Variants in HS3ST5 observed in about 807,000 individuals in gnomAD.
The protein encoded by HS3ST5 is heparan sulfate glucosamine 3-O-sulfotransferase 5.
In HS3ST5, 10 loss-of-function variants were observed where a neutral mutation model predicts 25.4. The ratio of observed to expected loss-of-function variants is 0.39; its 90% CI spans 0.24 to 0.67. The LOEUF (loss-of-function observed/expected upper bound fraction) is 0.67, where lower values mean the gene tolerates loss of function less well. Among genes scored for constraint, HS3ST5 ranks in the 30% least tolerant of loss-of-function variants. The probability of loss-of-function intolerance (pLI) is 0.44; values close to 1 mark genes in which losing one functional copy is unlikely to be tolerated. For missense variants in HS3ST5, 324 were observed against 420.7 expected (o/e 0.77, Z 2.01); for synonymous variants, 170 against 162.4 (o/e 1.05, Z -0.36).
chr6:114,231,883 C>T (rs561648579), intron 1 of HS3ST5, among the ~76,000 whole-genome samples: 16 of 151,418 alleles, frequency 1.1e-4, no homozygotes, highest in African/African-American at 3.9e-4. Flanking sequence ...ATTAGGTGAA[C>T]AACAAGGAAA....
chr6:114,253,856 C>T (rs1772777971), intron 1 of HS3ST5, among the ~76,000 whole-genome samples: 1 of 152,178 alleles, frequency 6.6e-6, no homozygotes, highest in Non-Finnish European at 1.5e-5. Flanking sequence ...AGGCCCTCTG[C>T]TCATTGCCTC....
chr6:114,145,881 T>C (rs72952547), intron 3 of HS3ST5, among the ~76,000 whole-genome samples: 1 of 152,260 alleles, frequency 6.6e-6, no homozygotes, highest in Non-Finnish European at 1.5e-5. Context: ...TTTAAAGAAT[T>C]TGTGGTAAGT....
intron 4 of HS3ST5, among the ~76,000 whole-genome samples, chr6:114,058,443 C>T (rs941449677): frequency 6.6e-6 from 1 of 152,142 alleles, no homozygotes; most frequent in Admixed American, 6.5e-5. Context: ...TTGACTACGG[C>T]GTGTACTTCT....
In HS3ST5 at chr6:114,062,878, C is replaced by A; in HGVS notation, c.-32-1G>T. ...CATCAACCTTCAGGACTGCTGCAGC[C>A]TGCGATAGAAGGACTCATCAGCAGC... On this transcript the variant is annotated splice_acceptor_variant, in intron 3 of 4. Transcript: ENST00000312719. LOFTEE classifies it low-confidence loss of function (5UTR_SPLICE). 15 of 1,555,808 alleles carry A rather than the reference C, an allele frequency of 9.6e-6. No homozygotes were observed. The highest frequency in any genetic ancestry group is 1.3e-5 in the Non-Finnish European group (15 of 1,127,824).
intron 1 of HS3ST5, among the ~76,000 whole-genome samples, chr6:114,290,256 G>A (rs939414125): frequency 1.3e-5 from 2 of 152,122 alleles, no homozygotes; most frequent in African/African-American, 2.4e-5. Context: ...AATCAGCTTT[G>A]AAAAGTGTGA....
rs527522385 is a variant in HS3ST5, at chr6:114,139,497, A to G, written c.-33+28854T>C. Among the ~76,000 whole-genome samples the G allele has an allele frequency of 3.9e-5, 6 of 152,286 alleles. No homozygotes were observed. The South Asian group carries it at 1.0e-3, about 26-fold the overall frequency. ...ACCCATTTATCTGATTCTACTCTAT[A>G]TGAATAGCGCTGGAAACATAGGTAT... On this transcript the variant is annotated intron_variant, in intron 3 of 4. Coordinates refer to ENST00000312719, the MANE Select transcript of HS3ST5 (RefSeq NM_153612.4).
At chr6:114,306,238 C>CATATATAT (rs757321554) in intron 1 of HS3ST5, among the ~76,000 whole-genome samples, 59 of 111,514 alleles carry the variant, frequency 5.3e-4, no homozygotes, top group African/African-American at 1.1e-3. Flanking sequence ...ATGAAATATA[C>CATATATAT]ATATATATAT....
At chr6:114,290,330 T>A (rs1367701766) in intron 1 of HS3ST5, among the ~76,000 whole-genome samples, 1 of 152,148 alleles carries the variant, frequency 6.6e-6, no homozygotes, top group Non-Finnish European at 1.5e-5. Flanking sequence ...AAAGGTTCAA[T>A]CTATTGCTCT....
intron 1 of HS3ST5, among the ~76,000 whole-genome samples, chr6:114,325,204 G>A (rs1776126361): frequency 6.6e-6 from 1 of 152,026 alleles, no homozygotes; most frequent in Non-Finnish European, 1.5e-5. Flanking sequence ...CATCAACTTG[G>A]TCTTAAGACC....
chr6:114,093,616 T>A (rs1167250134), intron 3 of HS3ST5, among the ~76,000 whole-genome samples: 3 of 152,064 alleles, frequency 2.0e-5, no homozygotes, highest in Non-Finnish European at 4.4e-5. Context: ...TTCTTTTCTA[T>A]ACATCTGGTT....
At chr6:114,306,256 T>TATGTACAC (rs756494412) in intron 1 of HS3ST5, among the ~76,000 whole-genome samples, 102 of 115,402 alleles carry the variant, frequency 8.8e-4, no homozygotes, top group African/African-American at 3.0e-3. Flanking sequence ...TATATATATA[T>TATGTACAC]ACACACACAC....
chr6:114,182,397 G>T (rs1253355779), intron 2 of HS3ST5, among the ~76,000 whole-genome samples: 2 of 152,124 alleles, frequency 1.3e-5, no homozygotes, highest in African/African-American at 4.8e-5. Flanking sequence ...CAGGTTAAGA[G>T]GAAAAAATTC....
chr6:114,194,959 T>G (rs910763081), intron 2 of HS3ST5, among the ~76,000 whole-genome samples: 1 of 152,234 alleles, frequency 6.6e-6, no homozygotes, highest in African/African-American at 2.4e-5. Context: ...CAACTCTTTA[T>G]GAGAAATAAA....
chr6:114,309,010 T>C (rs1775420099), intron 1 of HS3ST5, among the ~76,000 whole-genome samples: 1 of 152,154 alleles, frequency 6.6e-6, no homozygotes, highest in Non-Finnish European at 1.5e-5. Context: ...CCGTAAGTCA[T>C]TGGTACTTAA....
chr6:114,322,398 G>A (rs943769368), intron 1 of HS3ST5, among the ~76,000 whole-genome samples: 7 of 151,752 alleles, frequency 4.6e-5, no homozygotes, highest in Non-Finnish European at 8.8e-5. Context: ...GAGACAGGTG[G>A]GCCTGCTTTT....
rs138498057 is a variant in HS3ST5 at position 114,057,956 on chromosome 6, C to T, written c.342G>A (p.Pro114=). The change falls in exon 5 of 5, where the codon CCG becomes CCA. Residue 114 remains proline, a synonymous_variant. Transcript: ENST00000312719. ...TTTCTTGAGAGGCTTTGACTACTGCCGGATGTAGGTTCAGCATTTCAAGCA... is the reference window on the plus strand; with the variant it reads ...TTTCTTGAGAGGCTTTGACTACTGCTGGATGTAGGTTCAGCATTTCAAGCA... ...RALLEMLNLH[P]AVVKASQEIH... 454 of 1,614,134 alleles carry T rather than the reference C, an allele frequency of 2.8e-4. No individual in the cohort carries two copies. Among genetic ancestry groups the T allele is most frequent in the African/African-American group, 6.1e-4 (46 of 75,040 alleles).
intron 1 of HS3ST5, among the ~76,000 whole-genome samples, chr6:114,306,238 C>CATATATATAT (rs757321554): frequency 1.5e-4 from 17 of 111,514 alleles, no homozygotes; most frequent in African/African-American, 4.9e-4. Context: ...ATGAAATATA[C>CATATATATAT]ATATATATAT....
chr6:114,286,779 G>T (rs1774360797), intron 1 of HS3ST5, among the ~76,000 whole-genome samples: 1 of 151,700 alleles, frequency 6.6e-6, no homozygotes, highest in Non-Finnish European at 1.5e-5. Flanking sequence ...ATTTTAAAAA[G>T]AAACCTATGA....
chr6:114,074,101 A>C (rs1223731543), intron 3 of HS3ST5, among the ~76,000 whole-genome samples: 5 of 151,882 alleles, frequency 3.3e-5, no homozygotes, highest in Admixed American at 3.3e-4. Context: ...CAATGAGAAC[A>C]CATGGACACA....
Sources: gnomAD v4.1 joint callset for allele counts (sites outside exome capture counted in the v4.1 genomes callset) on GRCh38, gnomAD v4.1.1 for gene constraint, MANE v1.5 for transcripts, NCBI Gene and HGNC (gene_info 2026-07-23, HGNC 2026-07-21) for gene names.